The following S100Z variants were observed in gnomAD, a reference collection of about 807,000 sequenced individuals.
S100Z encodes the protein protein S100-Z.
Under a neutral mutation model 8.5 loss-of-function variants are expected in S100Z, and 11 were observed. The ratio of observed to expected loss-of-function variants is 1.30; its 90% confidence interval spans 0.82 to 2.15. The LOEUF is 2.15. Among genes scored for constraint, S100Z ranks in the 30% most tolerant of loss-of-function variants. The probability of loss-of-function intolerance (pLI) is 0.00; values close to 1 mark genes in which losing one functional copy is unlikely to be tolerated. For synonymous variants in S100Z, 34 were observed against 43.8 expected (o/e 0.78, Z 0.89); for missense variants, 126 against 117.9 (o/e 1.07, Z -0.32).
chr5:76,922,580 C>T (rs1262742682), downstream of S100Z, among the ~76,000 whole-genome samples: 3 of 151,826 alleles, frequency 2.0e-5, no homozygotes, highest in Admixed American at 1.3e-4. Flanking sequence ...AGCTGAAGTG[C>T]AGTGGCACGA....
At chr5:76,878,677 T>C (rs1359864307) in intron 4 of S100Z, among the ~76,000 whole-genome samples, 1 of 152,164 alleles carries the variant, frequency 6.6e-6, no homozygotes, top group African/African-American at 2.4e-5. Flanking sequence ...TATTTATGCG[T>C]GTAAATGATT....
chr5:76,941,449 G>A, the S100Z span, among the ~76,000 whole-genome samples: 82 of 152,254 alleles, frequency 5.4e-4, no homozygotes, highest in Admixed American at 7.2e-4. Context: ...CTTGCCTGCC[G>A]CCATGTAAGA....
chr5:76,859,433 A>G (rs1254604797), intron 1 of S100Z, among the ~76,000 whole-genome samples: 2 of 152,124 alleles, frequency 1.3e-5, no homozygotes, highest in Non-Finnish European at 1.5e-5. Flanking sequence ...GCTCCCAAGA[A>G]AAGCAAATAA....
At chr5:76,893,831 T>C (rs757518000) in intron 4 of S100Z, among the ~76,000 whole-genome samples, 15 of 152,186 alleles carry the variant, frequency 9.9e-5, no homozygotes, top group Non-Finnish European at 1.8e-4. Context: ...CTTCATCAAC[T>C]AAGGGTGCAC....
chr5:76,892,068 G>A (rs76909125), intron 4 of S100Z, among the ~76,000 whole-genome samples: 5,652 of 152,190 alleles, frequency 0.037, 156 homozygotes, highest in Middle Eastern at 0.054. Flanking sequence ...AGCACACCAG[G>A]TTATTATTAT....
chr5:76,912,868 C>A (rs1250163040), intron 4 of S100Z, among the ~76,000 whole-genome samples: 1 of 136,476 alleles, frequency 7.3e-6, no homozygotes, highest in Non-Finnish European at 1.5e-5. Flanking sequence ...AAGAGACAGA[C>A]ACAAAGAAGG....
chr5:76,854,802 G>A (rs1460481477), intron 1 of S100Z, among the ~76,000 whole-genome samples: 1 of 152,238 alleles, frequency 6.6e-6, no homozygotes, highest in Non-Finnish European at 1.5e-5. Context: ...AGGCCTCAAA[G>A]GTATTTCAGA....
intron 4 of S100Z, among the ~76,000 whole-genome samples, chr5:76,883,198 C>A (rs1743476704): frequency 6.6e-6 from 1 of 151,798 alleles, no homozygotes; most frequent in Non-Finnish European, 1.5e-5. Flanking sequence ...TCATTTGTCA[C>A]CAAGGAGGGA....
chr5:76,871,518 CTCT>C (rs1256521734), intron 2 of S100Z, among the ~76,000 whole-genome samples: 1 of 127,620 alleles, frequency 7.8e-6, no homozygotes, highest in Non-Finnish European at 1.6e-5. Context: ...CAATCAGAAA[CTCT>C]TTTTTTTTTT....
the S100Z span, among the ~76,000 whole-genome samples, chr5:76,928,434 C>A: frequency 3.3e-5 from 5 of 152,134 alleles, no homozygotes; most frequent in African/African-American, 1.2e-4. Context: ...GAGTGAGAAG[C>A]CTTTGTCCCT....
At chr5:76,878,068 C>A in intron 4 of S100Z, 1 of 276,712 alleles carries the variant, frequency 3.6e-6, no homozygotes, top group Non-Finnish European at 6.7e-6. Context: ...TATTAAGAGG[C>A]TATATGCATC....
chr5:76,895,036 A>C (rs1318571144), intron 4 of S100Z, among the ~76,000 whole-genome samples: 1 of 152,106 alleles, frequency 6.6e-6, no homozygotes, highest in African/African-American at 2.4e-5. Context: ...CTATTCTTAC[A>C]AACTGTAGTG....
At chr5:76,891,265 G>A (rs186814239) in intron 4 of S100Z, among the ~76,000 whole-genome samples, 13 of 152,188 alleles carry the variant, frequency 8.5e-5, no homozygotes, top group Admixed American at 2.0e-4. Flanking sequence ...CTTACTTTAC[G>A]TTACACTTAC....
intron 2 of S100Z, 39 bp from the exon 3 acceptor site, chr5:76,875,265 A>G (rs1381739462): frequency 7.5e-6 from 8 of 1,071,224 alleles, no homozygotes; most frequent in Non-Finnish European, 1.1e-5. Context: ...TGTTTTAATG[A>G]AAGTGTTGGT....
chr5:76,860,456 G>A (rs917283421), intron 1 of S100Z, among the ~76,000 whole-genome samples: 2 of 152,100 alleles, frequency 1.3e-5, no homozygotes, highest in African/African-American at 4.8e-5. Flanking sequence ...GAGATGGCCC[G>A]ACCCTCTCAG....
the S100Z span, among the ~76,000 whole-genome samples, chr5:76,948,154 C>T: frequency 1.6e-3 from 230 of 139,998 alleles, no homozygotes; most frequent in Non-Finnish European, 2.6e-3. Flanking sequence ...GGTGACACCC[C>T]GTCTCTACTA....
At chr5:76,932,684 G>A in the S100Z span, among the ~76,000 whole-genome samples, 6 of 152,226 alleles carry the variant, frequency 3.9e-5, no homozygotes, top group South Asian at 1.0e-3. Context: ...TCCAGTTAGG[G>A]AGATGTCTCC....
At chr5:76,937,710 G>A in the S100Z span, among the ~76,000 whole-genome samples, 11 of 132,328 alleles carry the variant, frequency 8.3e-5, no homozygotes, top group South Asian at 7.0e-4. Context: ...CCATGATTGC[G>A]CAACTGCACT....
chr5:76,901,368 G>A (rs543259505), intron 4 of S100Z, among the ~76,000 whole-genome samples: 1 of 152,284 alleles, frequency 6.6e-6, no homozygotes, highest in African/African-American at 2.4e-5. Context: ...CAGGAGTCAG[G>A]GACTAGAGTA....
Sources: allele counts gnomAD v4.1 joint callset (sites outside exome capture counted in the v4.1 genomes callset), GRCh38; gene constraint gnomAD v4.1.1; transcripts MANE v1.5; gene names NCBI Gene and HGNC (gene_info 2026-07-23, HGNC 2026-07-21).